The following VWA3B variants were observed in gnomAD, a reference collection of about 807,000 sequenced individuals.
VWA3B encodes von Willebrand factor A domain containing 3B.
Under a neutral mutation model 158.3 loss-of-function variants are expected in VWA3B, and 138 were observed. The ratio of observed to expected loss-of-function variants is 0.87; its 90% confidence interval spans 0.76 to 1.00. The LOEUF (loss-of-function observed/expected upper bound fraction) is 1.00, where lower values mean the gene tolerates loss of function less well. Among genes scored for constraint, VWA3B ranks in the 50% least tolerant of loss-of-function variants. The pLI, the probability that VWA3B is intolerant of heterozygous loss-of-function variation, is 0.00. For missense variants in VWA3B, 1,555 were observed against 1,565.1 expected (o/e 0.99, Z 0.11); for synonymous variants, 596 against 587.3 (o/e 1.01, Z -0.21).
intron 12 of VWA3B, chr2:98,207,443 A>G (rs368096185): frequency 3.1e-5 from 15 of 483,432 alleles, no homozygotes; most frequent in East Asian, 2.1e-4. Flanking sequence ...AAATCCCTCC[A>G]TACGTTATTG....
At chr2:98,312,128 C>G in intron 27 of VWA3B, 72 bp from the exon 28 acceptor site, 1 of 1,613,848 alleles carries the variant, frequency 6.2e-7, no homozygotes, top group Non-Finnish European at 8.5e-7. Context: ...CCTTCAGATT[C>G]TGGGCCTGTT....
chr2:98,272,059 C>T (rs759936152), intron 22 of VWA3B, among the ~76,000 whole-genome samples: 14 of 152,340 alleles, frequency 9.2e-5, no homozygotes, highest in South Asian at 2.1e-4. Flanking sequence ...ACATACCAAG[C>T]GGCAGACACC....
At chr2:98,128,081 G>T (rs1280967864) in intron 5 of VWA3B, 158 bp from the exon 6 acceptor site, 6 of 784,598 alleles carry the variant, frequency 7.6e-6, no homozygotes, top group Non-Finnish European at 1.0e-5. Context: ...CTCACTTCCT[G>T]ACTGGCCCTG....
chr2:98,128,888 A>G lies in VWA3B; in HGVS notation c.872+480A>G, dbSNP rs2084712. Among the ~76,000 whole-genome samples the G allele has an allele frequency of 3.9e-5, 6 of 152,284 alleles. No individual in the cohort carries two copies. The East Asian group carries it at 7.7e-4, about 20-fold the overall frequency. On this transcript the variant is annotated intron_variant, in intron 6 of 27. Coordinates refer to ENST00000477737, the MANE Select transcript of VWA3B (RefSeq NM_144992.5). ...TTCCTCTCCTGTTCCTTCCCTTGGA[A>G]TCCACACTAAAGGTCCTCACCTACC... is the stretch of plus-strand genomic sequence containing the variant.
At chr2:98,169,597 A>T (rs939599069) in intron 8 of VWA3B, among the ~76,000 whole-genome samples, 1 of 152,216 alleles carries the variant, frequency 6.6e-6, no homozygotes, top group Non-Finnish European at 1.5e-5. Flanking sequence ...TTATATGTCA[A>T]TTGTAGCTCA....
chr2:98,307,232 T>C (rs908666882), intron 26 of VWA3B, among the ~76,000 whole-genome samples: 1 of 152,232 alleles, frequency 6.6e-6, no homozygotes, highest in Non-Finnish European at 1.5e-5. Flanking sequence ...AGGGTACACT[T>C]GCCAGCAGTT....
intron 21 of VWA3B, among the ~76,000 whole-genome samples, chr2:98,264,897 A>C (rs1263756789): frequency 6.6e-6 from 1 of 152,130 alleles, no homozygotes; most frequent in African/African-American, 2.4e-5. Context: ...TGCTAGGTGC[A>C]CATATAATTG....
chr2:98,093,229 A>G lies in VWA3B; in HGVS notation c.137A>G (p.Lys46Arg), dbSNP rs763511665. 60 of 1,614,056 alleles carry G rather than the reference A, an allele frequency of 3.7e-5. No homozygotes were observed. Among genetic ancestry groups the G allele is most frequent in the Non-Finnish European group, 5.0e-5 (59 of 1,180,030 alleles). Residue 46 changes from lysine to arginine, a missense_variant, in exon 2 of 28, where the codon AAG (lysine) becomes AGG (arginine). Coordinates refer to ENST00000477737, the MANE Select transcript of VWA3B (RefSeq NM_144992.5). ...AAATGGCTTCAACTGCATGGGCTTAAGAGCAACAAATTGACCTTGAAACAG... is the reference window on the plus strand; with the variant it reads ...AAATGGCTTCAACTGCATGGGCTTAGGAGCAACAAATTGACCTTGAAACAG... Reference protein sequence around the residue: ...SEKWLQLHGLKSNKLTLKQIL... With the variant: ...SEKWLQLHGLRSNKLTLKQIL...
intron 12 of VWA3B, chr2:98,207,116 G>C: frequency 1.9e-6 from 1 of 533,370 alleles, no homozygotes; most frequent in Non-Finnish European, 3.8e-6. Context: ...TTATTGGGCA[G>C]AATCCCTTCT....
intron 21 of VWA3B, among the ~76,000 whole-genome samples, chr2:98,270,217 T>C (rs1688112116): frequency 6.6e-6 from 1 of 152,234 alleles, no homozygotes; most frequent in African/African-American, 2.4e-5. Context: ...TAAAAATAGC[T>C]AAAATGAGCT....
intron 21 of VWA3B, among the ~76,000 whole-genome samples, chr2:98,261,277 A>G (rs1485089420): frequency 1.3e-5 from 2 of 151,808 alleles, no homozygotes; most frequent in Admixed American, 1.3e-4. Context: ...AGTTAGTTTT[A>G]GTAGCCAACA....
intron 22 of VWA3B, among the ~76,000 whole-genome samples, chr2:98,276,125 C>CTG (rs74500807): frequency 0.039 from 5,902 of 152,236 alleles, 167 homozygotes; most frequent in Middle Eastern, 0.075. Flanking sequence ...CCCTAGGTAA[C>CTG]GGGGAGAGGT....
chr2:98,328,469 T>A, the VWA3B span, among the ~76,000 whole-genome samples: 1 of 152,244 alleles, frequency 6.6e-6, no homozygotes, highest in East Asian at 1.9e-4. Context: ...TCACTACTAC[T>A]ATTAGAATTT....
intron 3 of VWA3B, among the ~76,000 whole-genome samples, chr2:98,117,072 C>G (rs541007777): frequency 6.6e-6 from 1 of 152,228 alleles, no homozygotes; most frequent in African/African-American, 2.4e-5. Context: ...TCTTTATGAG[C>G]TTTCTTGACA....
chr2:98,298,023 C>G lies in VWA3B; in HGVS notation c.3274C>G (p.Leu1092Val), dbSNP rs375254177. 5.8e-6 allele frequency: 9 copies of G among 1,560,780 alleles called. No individual in the cohort carries two copies. The highest frequency in any genetic ancestry group is 1.4e-5 in the African/African-American group (1 of 72,276). ...TPVGGAMPCP[L>V]LQVGDYVFAK... is the part of the protein sequence containing the mutation. ...TGTGGGGGGCGCCATGCCCTGCCCGCTGCTCCAGGTACCCAGTCCCTGATG... is the reference window on the plus strand; with the variant it reads ...TGTGGGGGGCGCCATGCCCTGCCCGGTGCTCCAGGTACCCAGTCCCTGATG... The change falls in exon 24 of 28, where the codon CTG becomes GTG. Residue 1092 changes from leucine (L) to valine (V), a missense_variant. Leu to Val is a conservative substitution (Grantham distance 32). Transcript: ENST00000477737.
chr2:98,216,655 G>T, intron 13 of VWA3B: 1 of 466,424 alleles, frequency 2.1e-6, no homozygotes, highest in Non-Finnish European at 4.5e-6. Flanking sequence ...AGAGGGAATG[G>T]GGAAAGTGGC....
intron 3 of VWA3B, among the ~76,000 whole-genome samples, chr2:98,118,165 C>T (rs991781407): frequency 3.3e-5 from 5 of 152,204 alleles, no homozygotes; most frequent in African/African-American, 9.7e-5. Context: ...TTAAAAACAC[C>T]TGTCCCTTTA....
At chr2:98,133,083 A>T (rs1321177926) in intron 6 of VWA3B, among the ~76,000 whole-genome samples, 1 of 152,168 alleles carries the variant, frequency 6.6e-6, no homozygotes, top group Non-Finnish European at 1.5e-5. Context: ...GATTCCAGTT[A>T]AGTGGCTTTG....
intron 12 of VWA3B, chr2:98,206,794 A>G: frequency 2.7e-6 from 1 of 371,776 alleles, no homozygotes; most frequent in Non-Finnish European, 5.2e-6. Context: ...TGTACCCATC[A>G]TGGAGTTAAT....
Sources: gnomAD v4.1 joint callset for allele counts (sites outside exome capture counted in the v4.1 genomes callset) on GRCh38, gnomAD v4.1.1 for gene constraint, MANE v1.5 for transcripts, NCBI Gene and HGNC (gene_info 2026-07-23, HGNC 2026-07-21) for gene names.